The following ELOVL5 variants were observed in gnomAD, a reference collection of about 807,000 sequenced individuals.
The protein encoded by ELOVL5 is very long chain fatty acid elongase 5.
A neutral mutation model predicts 38.6 loss-of-function variants in ELOVL5; 8 were observed. The ratio of observed to expected loss-of-function variants is 0.21; its 90% CI spans 0.12 to 0.37. The LOEUF (loss-of-function observed/expected upper bound fraction) is 0.37. Ranked by LOEUF, ELOVL5 falls within the 10% of genes least tolerant of loss-of-function variation. The probability of loss-of-function intolerance (pLI) is 1.00; values close to 1 mark genes in which losing one functional copy is unlikely to be tolerated. For synonymous variants in ELOVL5, 127 were observed against 133.7 expected (o/e 0.95, Z 0.34); for missense variants, 280 against 367.8 (o/e 0.76, Z 1.95).
intron 1 of ELOVL5, among the ~76,000 whole-genome samples, chr6:53,308,149 G>GT (rs201455091): frequency 0.054 from 8,276 of 152,200 alleles, 249 homozygotes; most frequent in Non-Finnish European, 0.065. Context: ...AAGATGTTTG[G>GT]TAACAGAGTT....
At chr6:53,309,004 A>G (rs772084302) in intron 1 of ELOVL5, among the ~76,000 whole-genome samples, 1 of 152,124 alleles carries the variant, frequency 6.6e-6, no homozygotes, top group Non-Finnish European at 1.5e-5. Flanking sequence ...GACATGGTAC[A>G]CATCACACAT....
Position 53,268,821 on chromosome 6 carries a change from G to A in ELOVL5, c.*306C>T, listed in dbSNP as rs144905181. ...TTGGATTACAGTGTTTTTAAATTGT[G>A]AATCACAATTCAGCACCTATCATGT... On this transcript the variant is annotated 3_prime_UTR_variant, in exon 8 of 8. Transcript: ENST00000304434. The A allele has an allele frequency of 1.8e-5, 4 of 221,626 alleles. No homozygotes were observed. Among genetic ancestry groups the A allele is most frequent in the African/African-American group, 6.8e-5 (3 of 44,156 alleles). 13.7% of individuals were successfully genotyped at this position (221,626 alleles called of 1,614,324 possible).
chr6:53,327,589 A>G (rs1011535245), intron 1 of ELOVL5, among the ~76,000 whole-genome samples: 13 of 152,170 alleles, frequency 8.5e-5, no homozygotes, highest in African/African-American at 2.9e-4. Flanking sequence ...GGATGTGAAA[A>G]TGTTTTGGAA....
At chr6:53,322,903 T>C (rs1768356226) in intron 1 of ELOVL5, among the ~76,000 whole-genome samples, 1 of 152,236 alleles carries the variant, frequency 6.6e-6, no homozygotes, top group Non-Finnish European at 1.5e-5. Flanking sequence ...CTTCCTTTAT[T>C]GAGTCCCTTG....
intron 1 of ELOVL5, among the ~76,000 whole-genome samples, chr6:53,318,633 A>G (rs932169793): frequency 6.6e-6 from 1 of 152,122 alleles, no homozygotes; most frequent in Non-Finnish European, 1.5e-5. Flanking sequence ...GCAGCTACTC[A>G]GAAGGCTGAG....
At chr6:53,348,354 G>C (rs1049238141) in intron 1 of ELOVL5, among the ~76,000 whole-genome samples, 1 of 151,402 alleles carries the variant, frequency 6.6e-6, no homozygotes, top group Non-Finnish European at 1.5e-5. Flanking sequence ...ACTCACCCGG[G>C]TTTCGCCGAC....
chr6:53,323,598 T>TTTG (rs386407089), intron 1 of ELOVL5, among the ~76,000 whole-genome samples: 9 of 149,346 alleles, frequency 6.0e-5, no homozygotes, highest in African/African-American at 2.2e-4. Context: ...TTTTTTTTTT[T>TTTG]TGAGACGGAG....
intron 1 of ELOVL5, among the ~76,000 whole-genome samples, chr6:53,303,364 G>C (rs549001197): frequency 2.0e-5 from 3 of 152,108 alleles, no homozygotes; most frequent in Non-Finnish European, 4.4e-5. Flanking sequence ...AATATCTACC[G>C]CACCAACAGT....
chr6:53,303,186 C>T (rs766355079), intron 1 of ELOVL5, among the ~76,000 whole-genome samples: 1 of 152,146 alleles, frequency 6.6e-6, no homozygotes, highest in Non-Finnish European at 1.5e-5. Flanking sequence ...CCAAATAAAA[C>T]CACACCTTGC....
At chr6:53,270,297 C>T (rs1045048094) in intron 7 of ELOVL5, among the ~76,000 whole-genome samples, 1 of 152,226 alleles carries the variant, frequency 6.6e-6, no homozygotes, top group Non-Finnish European at 1.5e-5. Flanking sequence ...TGATTGAAAT[C>T]ACCTCTCACG....
chr6:53,293,683 G>C (rs1766862757), intron 2 of ELOVL5, among the ~76,000 whole-genome samples: 1 of 152,104 alleles, frequency 6.6e-6, no homozygotes, highest in African/African-American at 2.4e-5. Context: ...TTTTCACCTT[G>C]ATTTCACAGA....
intron 1 of ELOVL5, among the ~76,000 whole-genome samples, chr6:53,327,794 G>A (rs938124689): frequency 4.6e-5 from 7 of 151,838 alleles, no homozygotes; most frequent in African/African-American, 9.7e-5. Flanking sequence ...ATCTTTTCCC[G>A]TTTCTTTCAA....
At chr6:53,292,948 T>C (rs1303962844) in intron 2 of ELOVL5, among the ~76,000 whole-genome samples, 4 of 152,126 alleles carry the variant, frequency 2.6e-5, no homozygotes, top group Non-Finnish European at 5.9e-5. Context: ...GAAGGGCCTC[T>C]CCTGCCCCTA....
At chr6:53,310,633 C>T (rs1414466432) in intron 1 of ELOVL5, among the ~76,000 whole-genome samples, 8 of 152,124 alleles carry the variant, frequency 5.3e-5, no homozygotes, top group Non-Finnish European at 1.2e-4. Context: ...GACAGGGTCT[C>T]GCTCTGTTCC....
At chr6:53,338,804 C>G (rs1169090902) in intron 1 of ELOVL5, among the ~76,000 whole-genome samples, 1 of 152,216 alleles carries the variant, frequency 6.6e-6, no homozygotes. Flanking sequence ...GATGTGATTA[C>G]TTGAATATTC....
At chr6:53,320,349 T>C (rs1355405834) in intron 1 of ELOVL5, among the ~76,000 whole-genome samples, 3 of 151,510 alleles carry the variant, frequency 2.0e-5, no homozygotes, top group East Asian at 2.0e-4. Flanking sequence ...TTTTTTTTCT[T>C]TTTTTGAGAC....
chr6:53,339,155 A>T (rs1041739344), intron 1 of ELOVL5, among the ~76,000 whole-genome samples: 1 of 152,188 alleles, frequency 6.6e-6, no homozygotes, highest in Non-Finnish European at 1.5e-5. Flanking sequence ...ACAATACAGC[A>T]TTTTTCAAAG....
intron 6 of ELOVL5, among the ~76,000 whole-genome samples, chr6:53,271,633 T>A (rs181448373): frequency 6.6e-6 from 1 of 152,330 alleles, no homozygotes; most frequent in Admixed American, 6.5e-5. Flanking sequence ...TAGAGTTTTT[T>A]GTTTTTAATT....
Position 53,305,199 on chromosome 6 carries a change from G to A in ELOVL5, c.-8-9492C>T, listed in dbSNP as rs1456173196. On this transcript the variant is annotated intron_variant, in intron 1 of 7. Transcript: ENST00000304434. The stretch of plus-strand genomic sequence containing the variant: ...CCGGACGGGGCGGCTGGCTGGGCGC[G>A]GGGCTGACCCCCCACCTCCCTCCCG... 8.8e-5 allele frequency among the ~76,000 whole-genome samples: 13 copies of A among 147,028 alleles called. No individual in the cohort carries two copies. The East Asian group carries it at 1.7e-3, about 19-fold the overall frequency.
Sources: gnomAD v4.1 joint callset for allele counts (sites outside exome capture counted in the v4.1 genomes callset) on GRCh38, gnomAD v4.1.1 for gene constraint, MANE v1.5 for transcripts, NCBI Gene and HGNC (gene_info 2026-07-23, HGNC 2026-07-21) for gene names.